Variants in PRKCA observed in about 807,000 individuals in gnomAD.
The protein encoded by PRKCA is protein kinase C alpha type.
Under a neutral mutation model 87.0 loss-of-function variants are expected in PRKCA, and 27 were observed. The observed-to-expected ratio is 0.31, with a 90% CI of 0.23 to 0.43. The LOEUF is 0.43. PRKCA is among the 20% of genes least tolerant of loss of function. The probability of loss-of-function intolerance (pLI) is 1.00; values close to 1 mark genes in which losing one functional copy is unlikely to be tolerated. For missense variants in PRKCA, 518 were observed against 852.3 expected, an observed-to-expected ratio of 0.61 and a Z score of 4.88; for synonymous variants, 329 against 311.1, an observed-to-expected ratio of 1.06 and a Z score of -0.61.
At chr17:66,419,046 A>G (rs947485990) in intron 2 of PRKCA, among the ~76,000 whole-genome samples, 1 of 151,958 alleles carries the variant, frequency 6.6e-6, no homozygotes, top group Non-Finnish European at 1.5e-5. Context: ...GGCTTGAGCC[A>G]CTGCACCTGG....
intron 2 of PRKCA, among the ~76,000 whole-genome samples, chr17:66,386,272 G>A (rs1910057174): frequency 6.6e-6 from 1 of 152,062 alleles, no homozygotes; most frequent in South Asian, 2.1e-4. Flanking sequence ...AACTTATTTT[G>A]CAATTGTTCA....
At chr17:66,453,110 T>A (rs1351631313) in intron 2 of PRKCA, among the ~76,000 whole-genome samples, 1 of 152,070 alleles carries the variant, frequency 6.6e-6, no homozygotes, top group African/African-American at 2.4e-5. Flanking sequence ...TTCCCCTCAC[T>A]TCCCACTGGC....
chr17:66,575,574 G>T (rs1003294735), intron 3 of PRKCA, among the ~76,000 whole-genome samples: 1 of 151,918 alleles, frequency 6.6e-6, no homozygotes, highest in African/African-American at 2.4e-5. Context: ...GAGCGAAACT[G>T]TCTTAAAAAA....
chr17:66,560,080 A>G (rs1196335702), intron 3 of PRKCA, among the ~76,000 whole-genome samples: 1 of 152,196 alleles, frequency 6.6e-6, no homozygotes, highest in Non-Finnish European at 1.5e-5. Context: ...GCTATTCCTC[A>G]GAAGTGAGGA....
At chr17:66,633,907 C>T (rs1019279212) in intron 3 of PRKCA, among the ~76,000 whole-genome samples, 2 of 152,214 alleles carry the variant, frequency 1.3e-5, no homozygotes, top group South Asian at 4.1e-4. Context: ...CAACTACTGC[C>T]TTTGCAGACT....
At chr17:66,469,999 A>G (rs563633531) in intron 2 of PRKCA, among the ~76,000 whole-genome samples, 1 of 152,218 alleles carries the variant, frequency 6.6e-6, no homozygotes, top group South Asian at 2.1e-4. Context: ...TCCAAGGGGT[A>G]ATTACCCCCA....
chr17:66,731,513 C>T (rs9303511), intron 8 of PRKCA, among the ~76,000 whole-genome samples: 99,733 of 151,926 alleles, frequency 0.66, 32,868 homozygotes, highest in East Asian at 0.71. Context: ...GTTCAAAATT[C>T]GGAGTCTTGT....
intron 3 of PRKCA, among the ~76,000 whole-genome samples, chr17:66,587,337 T>A (rs1403252274): frequency 6.6e-6 from 1 of 152,220 alleles, no homozygotes; most frequent in African/African-American, 2.4e-5. Context: ...CTGTCTAGCT[T>A]ATAATCTAGC....
In PRKCA at chr17:66,562,154, TTATA is replaced by T. The variant is rs1010765778; in HGVS notation, c.288+65878_288+65881del. 3.9e-4 allele frequency among the ~76,000 whole-genome samples: 14 copies of T among 36,268 alleles called. 1 individual carries two copies. Among genetic ancestry groups the T allele is most frequent in the Non-Finnish European group, 5.3e-4 (11 of 20,566 alleles). 23.8% of individuals were successfully genotyped at this position (36,268 alleles called of 152,430 possible). A position where few individuals can be genotyped will look rare whatever the true frequency, so the allele number is the denominator to read the frequency against. ...TAATTAAATTATATATATAATTAAA[TTATA>T]TATATAATTAAATATATATAATTAA... On this transcript the variant is annotated intron_variant, in intron 3 of 16. Transcript: ENST00000413366.
At chr17:66,552,635 C>T (rs1376963579) in intron 3 of PRKCA, among the ~76,000 whole-genome samples, 1 of 152,192 alleles carries the variant, frequency 6.6e-6, no homozygotes, top group African/African-American at 2.4e-5. Context: ...AGCACCCAAG[C>T]CAAGATTGCA....
At chr17:66,448,383 G>A (rs886789911) in intron 2 of PRKCA, among the ~76,000 whole-genome samples, 5 of 152,108 alleles carry the variant, frequency 3.3e-5, no homozygotes, top group African/African-American at 7.2e-5. Context: ...AAATCGAGAC[G>A]CCTGATGGAA....
rs146035087 is a variant in PRKCA at position 66,608,659 on chromosome 17, G to C, written c.289-32696G>C. Among the ~76,000 whole-genome samples the C allele has an allele frequency of 4.6e-5, 7 of 152,128 alleles. No individual in the cohort carries two copies. In the South Asian group the frequency reaches 8.3e-4, roughly 18 times the overall value. On this transcript the variant is annotated intron_variant, in intron 3 of 16. Transcript: ENST00000413366. ...AAACAAACAAAAATCCTCCAGTTTC[G>C]TTATGGACGTGATGAATGAGACACC...
chr17:66,363,045 C>CT, intron 2 of PRKCA, among the ~76,000 whole-genome samples: 1 of 152,238 alleles, frequency 6.6e-6, no homozygotes, highest in South Asian at 2.1e-4. Context: ...GAATAGCATC[C>CT]TAGAGGTCTT....
chr17:66,684,493 T>C (rs569910915), intron 5 of PRKCA, among the ~76,000 whole-genome samples: 1 of 152,352 alleles, frequency 6.6e-6, no homozygotes, highest in African/African-American at 2.4e-5. Context: ...TCACACAGGC[T>C]GTTCTCTGCT....
chr17:66,583,064 T>C (rs1969493346), intron 3 of PRKCA, among the ~76,000 whole-genome samples: 1 of 152,214 alleles, frequency 6.6e-6, no homozygotes, highest in Non-Finnish European at 1.5e-5. Flanking sequence ...CTGTGAGGAT[T>C]AGGTGAATTA....
At position 66,377,657 on chromosome 17, in the gene PRKCA, TTA is replaced by T. The variant is rs534757885; in HGVS notation, c.205+71539_205+71540del. Among the ~76,000 whole-genome samples, 1,142 of 144,764 alleles carry T rather than the reference TTA, an allele frequency of 7.9e-3. 19 individuals are homozygous for T. The highest frequency in any genetic ancestry group is 0.027 in the African/African-American group (1,089 of 39,716). 95.0% of individuals were successfully genotyped at this position (144,764 alleles called of 152,430 possible). A position where few individuals can be genotyped will look rare whatever the true frequency, so the allele number is the denominator to read the frequency against. ...CTATATTATATATATAATGTCTATATTATATATATAAAATGTCTATTATATAT... is the reference window on the plus strand; with the variant it reads ...CTATATTATATATATAATGTCTATATTATATATAAAATGTCTATTATATAT... On this transcript the variant is annotated intron_variant, in intron 2 of 16. Coordinates refer to ENST00000413366, the MANE Select transcript of PRKCA (RefSeq NM_002737.3).
intron 8 of PRKCA, among the ~76,000 whole-genome samples, chr17:66,725,109 G>T (rs1973711585): frequency 6.6e-6 from 1 of 152,080 alleles, no homozygotes; most frequent in African/African-American, 2.4e-5. Context: ...CTCTGGGGAG[G>T]GTCATCATGT....
intron 3 of PRKCA, among the ~76,000 whole-genome samples, chr17:66,632,346 C>A (rs1410537697): frequency 6.6e-6 from 1 of 152,046 alleles, no homozygotes; most frequent in Admixed American, 6.6e-5. Flanking sequence ...AACTGTCTTA[C>A]TGTTCAGAGG....
chr17:66,654,069 A>G (rs1329245575), intron 5 of PRKCA, among the ~76,000 whole-genome samples: 1 of 152,224 alleles, frequency 6.6e-6, no homozygotes, highest in Non-Finnish European at 1.5e-5. Context: ...ATGGAGAAGT[A>G]AGAATGAGTG....
Sources: gnomAD v4.1 joint callset for allele counts (sites outside exome capture counted in the v4.1 genomes callset) on GRCh38, gnomAD v4.1.1 for gene constraint, MANE v1.5 for transcripts, NCBI Gene and HGNC (gene_info 2026-07-23, HGNC 2026-07-21) for gene names.